The following NEMP2 variants were observed in gnomAD, a reference collection of about 807,000 sequenced individuals.
NEMP2 encodes the protein UPF0571 transmembrane protein.
NEMP2 carries 53 observed loss-of-function variants against 54.2 expected under a neutral mutation model. The ratio of observed to expected loss-of-function variants is 0.98; its 90% CI spans 0.78 to 1.23. NEMP2 has a LOEUF of 1.23. NEMP2 is among the 50% of genes most tolerant of loss of function. NEMP2 has a pLI of 0.00. For missense variants in NEMP2, 455 were observed against 511.3 expected, an observed-to-expected ratio of 0.89 and a Z score of 1.06; for synonymous variants, 197 against 190.3, an observed-to-expected ratio of 1.04 and a Z score of -0.29.
the NEMP2 span, among the ~76,000 whole-genome samples, chr2:190,572,154 A>G: frequency 6.6e-6 from 1 of 152,196 alleles, no homozygotes; most frequent in Non-Finnish European, 1.5e-5. Context: ...CAGAAAAGCA[A>G]TATTTAAGAT....
Position 190,533,622 on chromosome 2 carries a change from T to C in NEMP2, c.97+937A>G, listed in dbSNP as rs748382656. Among the ~76,000 whole-genome samples, 3 of 152,100 alleles carry C rather than the reference T, an allele frequency of 2.0e-5. No individual in the cohort carries two copies. Among genetic ancestry groups the C allele is most frequent in the Non-Finnish European group, 4.4e-5 (3 of 68,030 alleles). ...CAACATCCAGTCTCTCATTCATCCT[T>C]AGATAAAAAACCGCGGTATAACCGG... is the stretch of plus-strand genomic sequence containing the variant. On this transcript the variant is annotated intron_variant, in intron 1 of 8. Transcript: ENST00000409150. The surrounding 1 kb of genome is among the most constrained non-coding windows in gnomAD (Gnocchi z 4.3).
At chr2:190,488,700 C>T in the NEMP2 span, 3 of 1,601,234 alleles carry the variant, frequency 1.9e-6, no homozygotes, top group East Asian at 2.3e-5. This position sits in a 1 kb window ranked among gnomAD's most constrained non-coding sequence, Gnocchi z 6.4. Flanking sequence ...TTTCTTACCT[C>T]AGTGCAGCCG....
rs750753634 is a variant in NEMP2 at position 190,525,424 on chromosome 2, C to G, written c.98-46G>C. 3 of 1,170,454 alleles carry G rather than the reference C, an allele frequency of 2.6e-6. No individual in the cohort carries two copies. The highest frequency in any genetic ancestry group is 3.6e-6 in the Non-Finnish European group (3 of 827,806). 72.5% of individuals were successfully genotyped at this position (1,170,454 alleles called of 1,614,324 possible). A position where few individuals can be genotyped will look rare whatever the true frequency, so the allele number is the denominator to read the frequency against. ...TGCATTTTCTAACTGTTTAATTGCC[C>G]AGAATCTTTTTTAAAAAAAGTTTGC... On this transcript the variant is annotated intron_variant, in intron 1 of 8. Coordinates refer to ENST00000409150, the MANE Select transcript of NEMP2 (RefSeq NM_001142645.2). The surrounding 1 kb of genome is among the most constrained non-coding windows in gnomAD (Gnocchi z 5.0).
the NEMP2 span, among the ~76,000 whole-genome samples, chr2:190,642,433 G>A: frequency 7.6e-4 from 115 of 152,160 alleles, 1 homozygote; most frequent in Non-Finnish European, 1.4e-3. This position sits in a 1 kb window ranked among gnomAD's most constrained non-coding sequence, Gnocchi z 4.1. Flanking sequence ...AAATACAATG[G>A]ATAAAGGTTT....
chr2:190,645,245 G>A, the NEMP2 span, among the ~76,000 whole-genome samples: 1 of 151,986 alleles, frequency 6.6e-6, no homozygotes, highest in African/African-American at 2.4e-5. Flanking sequence ...ATAAACACAT[G>A]AATAATAAAT....
At chr2:190,587,688 G>A in the NEMP2 span, among the ~76,000 whole-genome samples, 19 of 152,252 alleles carry the variant, frequency 1.2e-4, no homozygotes, top group African/African-American at 4.3e-4. This position sits in a 1 kb window ranked among gnomAD's most constrained non-coding sequence, Gnocchi z 5.4. Context: ...AAATTGTATG[G>A]CCAGCTGGGG....
At chr2:190,475,825 C>T in the NEMP2 span, among the ~76,000 whole-genome samples, 1 of 152,142 alleles carries the variant, frequency 6.6e-6, no homozygotes, top group Non-Finnish European at 1.5e-5. Flanking sequence ...TACAAGCCTA[C>T]AGTAACCAAA....
chr2:190,459,834 C>G, the NEMP2 span, among the ~76,000 whole-genome samples: 1 of 152,224 alleles, frequency 6.6e-6, no homozygotes, highest in African/African-American at 2.4e-5. The surrounding 1 kb of genome is among the most constrained non-coding windows in gnomAD (Gnocchi z 5.3). Context: ...TTTTCTCTTT[C>G]TAGCAGAAAC....
the NEMP2 span, among the ~76,000 whole-genome samples, chr2:190,453,634 G>A: frequency 1.3e-5 from 2 of 152,206 alleles, no homozygotes; most frequent in African/African-American, 4.8e-5. Flanking sequence ...CCTAATGTCA[G>A]AACCTGAAGT....
chr2:190,497,352 G>A, the NEMP2 span: 1 of 1,454,416 alleles, frequency 6.9e-7, no homozygotes, highest in Non-Finnish European at 9.3e-7. The surrounding 1 kb of genome is among the most constrained non-coding windows in gnomAD (Gnocchi z 5.2). Context: ...GGGTATATGG[G>A]ATTCTTGGTT....
At chr2:190,534,796 G>C (rs1384383391), upstream of NEMP2, 2 of 568,932 alleles carry the variant, frequency 3.5e-6, no homozygotes, top group Non-Finnish European at 5.2e-6. Context: ...CCGCCTCCCC[G>C]GGGCGGAGGG....
chr2:190,623,281 T>C, the NEMP2 span, among the ~76,000 whole-genome samples: 1 of 151,822 alleles, frequency 6.6e-6, no homozygotes, highest in Non-Finnish European at 1.5e-5. Context: ...TCTATCAAAA[T>C]ACCAATGACA....
At chr2:190,639,069 T>C in the NEMP2 span, among the ~76,000 whole-genome samples, 1 of 152,206 alleles carries the variant, frequency 6.6e-6, no homozygotes, top group African/African-American at 2.4e-5. Context: ...AAGAGATACA[T>C]GCTTGAATGA....
the NEMP2 span, among the ~76,000 whole-genome samples, chr2:190,453,790 C>T: frequency 6.6e-6 from 1 of 152,184 alleles, no homozygotes; most frequent in Non-Finnish European, 1.5e-5. Context: ...CCCCAAATAG[C>T]CTAATGACTT....
At chr2:190,563,506 T>C in the NEMP2 span, among the ~76,000 whole-genome samples, 3 of 152,226 alleles carry the variant, frequency 2.0e-5, no homozygotes, top group South Asian at 6.2e-4. The surrounding 1 kb of genome is among the most constrained non-coding windows in gnomAD (Gnocchi z 4.3). Flanking sequence ...AAATGAGTAG[T>C]TGATAAACAG....
the NEMP2 span, among the ~76,000 whole-genome samples, chr2:190,559,285 T>C: frequency 6.6e-6 from 1 of 152,208 alleles, no homozygotes; most frequent in African/African-American, 2.4e-5. The surrounding 1 kb of genome is among the most constrained non-coding windows in gnomAD (Gnocchi z 4.0). Context: ...GACTTCCATT[T>C]GGAAGTGATT....
At chr2:190,488,265 A>T in the NEMP2 span, among the ~76,000 whole-genome samples, 1 of 152,268 alleles carries the variant, frequency 6.6e-6, no homozygotes, top group Non-Finnish European at 1.5e-5. The surrounding 1 kb of genome is among the most constrained non-coding windows in gnomAD (Gnocchi z 6.4). Context: ...GCATTAATCA[A>T]AGTAGCAGAA....
the NEMP2 span, chr2:190,454,260 CATGGAGCCCCTGGGGAGGTTTCCA>C: frequency 6.6e-6 from 1 of 152,180 alleles, no homozygotes; most frequent in Non-Finnish European, 1.5e-5. This position sits in a 1 kb window ranked among gnomAD's most constrained non-coding sequence, Gnocchi z 4.6. Context: ...AGCCACGGTT[CATGGAGCCCCTGGGGAGGTTTCCA>C]ATTGTGTTAG....
At chr2:190,578,563 G>A in the NEMP2 span, among the ~76,000 whole-genome samples, 1 of 152,060 alleles carries the variant, frequency 6.6e-6, no homozygotes, top group Non-Finnish European at 1.5e-5. The surrounding 1 kb of genome is among the most constrained non-coding windows in gnomAD (Gnocchi z 4.4). Context: ...GGAAGTGTGG[G>A]GTAGTATATA....
Sources: gnomAD v4.1 joint callset for allele counts (sites outside exome capture counted in the v4.1 genomes callset) on GRCh38, gnomAD v4.1.1 for gene constraint, Gnocchi (gnomAD v3.1) non-coding constraint, MANE v1.5 for transcripts, NCBI Gene and HGNC (gene_info 2026-07-23, HGNC 2026-07-21) for gene names.